KHDRBS2: variants seen among roughly 807,000 people sequenced by gnomAD.
The protein encoded by KHDRBS2 is KH RNA binding domain containing, signal transduction associated 2, also known as KH domain-containing, RNA-binding, signal transduction-associated protein 2.
KHDRBS2 carries 26 observed loss-of-function variants against 44.3 expected under a neutral mutation model. The observed-to-expected ratio is 0.59, with a 90% CI of 0.43 to 0.81. The LOEUF (loss-of-function observed/expected upper bound fraction) is 0.81. Ranked by LOEUF, KHDRBS2 falls within the 40% of genes least tolerant of loss-of-function variation. KHDRBS2 has a pLI of 0.00. For missense variants in KHDRBS2, 476 were observed against 433.1 expected (o/e 1.10, Z -0.88); for synonymous variants, 194 against 151.1 (o/e 1.28, Z -2.08).
At chr6:62,167,930 C>A (rs1458846002) in intron 2 of KHDRBS2, among the ~76,000 whole-genome samples, 2 of 152,128 alleles carry the variant, frequency 1.3e-5, no homozygotes, top group African/African-American at 4.8e-5. Context: ...AAATCACACT[C>A]ATCAAGTACT....
intron 1 of KHDRBS2, among the ~76,000 whole-genome samples, chr6:62,180,790 A>T (rs1272319267): frequency 6.6e-6 from 1 of 151,934 alleles, no homozygotes; most frequent in Admixed American, 6.6e-5. Flanking sequence ...ATTTCAAAAT[A>T]TATTATAAAG....
chr6:62,117,109 A>G (rs1806436542), intron 2 of KHDRBS2, among the ~76,000 whole-genome samples: 1 of 152,098 alleles, frequency 6.6e-6, no homozygotes, highest in South Asian at 2.1e-4. Flanking sequence ...TTAGATATAT[A>G]CTCAGTGGTG....
chr6:61,936,852 T>C lies in KHDRBS2; in HGVS notation c.484-35481A>G, dbSNP rs537862259. Among the ~76,000 whole-genome samples the C allele has an allele frequency of 1.6e-3, 240 of 152,200 alleles. 7 individuals carry two copies. In the South Asian group the frequency reaches 0.046, roughly 29 times the overall value. ...AATTTGTCAGTAATTTATATTTATT[T>C]GTAAATCTTTTTTTCTCTAAAAGGT... On this transcript the variant is annotated intron_variant, in intron 4 of 8. Coordinates refer to ENST00000281156, the MANE Select transcript of KHDRBS2 (RefSeq NM_152688.4).
intron 4 of KHDRBS2, among the ~76,000 whole-genome samples, chr6:61,925,331 T>G (rs868148674): frequency 6.6e-6 from 1 of 152,160 alleles, no homozygotes; most frequent in African/African-American, 2.4e-5. Flanking sequence ...TTTACCAACA[T>G]AGAGATGTAG....
At chr6:61,957,865 C>A (rs1203601151) in intron 4 of KHDRBS2, among the ~76,000 whole-genome samples, 2 of 152,122 alleles carry the variant, frequency 1.3e-5, no homozygotes, top group South Asian at 4.1e-4. Flanking sequence ...TTTTACTGCT[C>A]AGGGAGCATC....
chr6:62,006,785 CA>C (rs1283774870), intron 3 of KHDRBS2, among the ~76,000 whole-genome samples: 14 of 151,136 alleles, frequency 9.3e-5, no homozygotes, highest in African/African-American at 3.2e-4. Flanking sequence ...TAAAAGAAGA[CA>C]AAACAAGAAA....
intron 1 of KHDRBS2, among the ~76,000 whole-genome samples, chr6:62,229,629 G>T (rs1832561662): frequency 6.6e-6 from 1 of 152,190 alleles, no homozygotes; most frequent in African/African-American, 2.4e-5. Context: ...GGCCCCGGTG[G>T]CGTGGGCTCA....
At chr6:61,781,723 A>T (rs552271847) in intron 6 of KHDRBS2, among the ~76,000 whole-genome samples, 1 of 152,260 alleles carries the variant, frequency 6.6e-6, no homozygotes, top group Admixed American at 6.6e-5. Flanking sequence ...CATTATAACC[A>T]TTAACTAATT....
intron 2 of KHDRBS2, among the ~76,000 whole-genome samples, chr6:62,059,198 G>GTTTTTTTTTT (rs398001756): frequency 0.015 from 380 of 24,882 alleles, 161 homozygotes; most frequent in East Asian, 0.039. Context: ...AAGTTAGGAA[G>GTTTTTTTTTT]TTTTTTTTTT....
intron 3 of KHDRBS2, among the ~76,000 whole-genome samples, chr6:61,995,624 T>A (rs1356169755): frequency 1.3e-5 from 2 of 152,166 alleles, no homozygotes; most frequent in African/African-American, 4.8e-5. Flanking sequence ...GTCCATGTGA[T>A]CTCATGTGCA....
At chr6:61,870,148 C>T (rs1399634048) in intron 6 of KHDRBS2, among the ~76,000 whole-genome samples, 1 of 152,014 alleles carries the variant, frequency 6.6e-6, no homozygotes, top group Non-Finnish European at 1.5e-5. Context: ...ATTCTCGCTG[C>T]CAGCACAGAA....
intron 6 of KHDRBS2, among the ~76,000 whole-genome samples, chr6:61,748,084 G>C (rs1323037583): frequency 6.6e-6 from 1 of 152,036 alleles, no homozygotes; most frequent in East Asian, 1.9e-4. Flanking sequence ...TCTGCCTCTT[G>C]GGTTCAAGCG....
At chr6:61,704,920 A>T (rs1433609556) in intron 7 of KHDRBS2, among the ~76,000 whole-genome samples, 1 of 151,906 alleles carries the variant, frequency 6.6e-6, no homozygotes, top group Non-Finnish European at 1.5e-5. Flanking sequence ...GAGAAAATTG[A>T]CATATTAAGA....
the KHDRBS2 span, among the ~76,000 whole-genome samples, chr6:61,638,123 C>A: frequency 6.6e-6 from 1 of 151,998 alleles, no homozygotes; most frequent in Non-Finnish European, 1.5e-5. Context: ...ATCAAGCTAC[C>A]AATGACTTTC....
intron 6 of KHDRBS2, among the ~76,000 whole-genome samples, chr6:61,779,215 A>C (rs1259023795): frequency 6.6e-6 from 1 of 152,104 alleles, no homozygotes; most frequent in East Asian, 1.9e-4. Context: ...TTAATGTCAC[A>C]AAAAATATTT....
chr6:61,727,676 GA>G (rs1240630700), intron 7 of KHDRBS2, among the ~76,000 whole-genome samples: 1 of 151,986 alleles, frequency 6.6e-6, no homozygotes, highest in African/African-American at 2.4e-5. Flanking sequence ...TAACAAACAT[GA>G]AAAAAGCTTA....
At chr6:61,674,211 G>T in the KHDRBS2 span, among the ~76,000 whole-genome samples, 1 of 151,584 alleles carries the variant, frequency 6.6e-6, no homozygotes, top group South Asian at 2.1e-4. Flanking sequence ...TGATGAATGG[G>T]GAAAGATCAA....
chr6:61,927,012 G>A (rs1809102814), intron 4 of KHDRBS2, among the ~76,000 whole-genome samples: 1 of 151,936 alleles, frequency 6.6e-6, no homozygotes, highest in Non-Finnish European at 1.5e-5. Context: ...ATCATCTAGT[G>A]CTTATCCAGG....
chr6:61,861,224 C>T lies in KHDRBS2; in HGVS notation c.810+33411G>A, dbSNP rs185617237. Among the ~76,000 whole-genome samples the T allele has an allele frequency of 5.9e-3, 892 of 152,162 alleles. 6 individuals carry two copies. Among genetic ancestry groups the T allele is most frequent in the Non-Finnish European group, 0.01 (700 of 67,980 alleles). On this transcript the variant is annotated intron_variant, in intron 6 of 8. Coordinates refer to ENST00000281156, the MANE Select transcript of KHDRBS2 (RefSeq NM_152688.4). ...CAGAAGCTCTTTAGTTTAATTAGAT[C>T]CCACTGGTCAATTATTTGCTTTTGT... is the stretch of plus-strand genomic sequence containing the variant.
Sources: allele counts gnomAD v4.1 joint callset (sites outside exome capture counted in the v4.1 genomes callset), GRCh38; gene constraint gnomAD v4.1.1; transcripts MANE v1.5; gene names NCBI Gene and HGNC (gene_info 2026-07-23, HGNC 2026-07-21).